Variants in TRAK1 observed in about 807,000 individuals in gnomAD.
TRAK1 encodes the protein trafficking kinesin protein 1.
In TRAK1, 33 loss-of-function variants were observed where a neutral mutation model predicts 92.1. That is an observed-to-expected ratio of 0.36 (90% confidence interval 0.27 to 0.48). TRAK1 has a LOEUF of 0.48. Ranked by LOEUF, TRAK1 falls within the 20% of genes least tolerant of loss-of-function variation. The pLI, the probability that TRAK1 is intolerant of heterozygous loss-of-function variation, is 0.99. For synonymous variants in TRAK1, 521 were observed against 517.3 expected (o/e 1.01, Z -0.10); for missense variants, 1,123 against 1,257.9 (o/e 0.89, Z 1.62).
At chr3:42,060,755 G>A (rs1703400531) in intron 1 of TRAK1, among the ~76,000 whole-genome samples, 1 of 151,424 alleles carries the variant, frequency 6.6e-6, no homozygotes, top group South Asian at 2.1e-4. Context: ...AGCCTCCTGA[G>A]TAACTGGGAT....
rs1315551432 is a variant in TRAK1 at position 42,184,667 on chromosome 3, C to T, written c.364-18C>T. 1.2e-6 allele frequency: 2 copies of T among 1,612,446 alleles called. No individual in the cohort carries two copies. Among genetic ancestry groups the T allele is most frequent in the Non-Finnish European group, 1.7e-6 (2 of 1,178,954 alleles). On this transcript the variant is annotated intron_variant, in intron 3 of 15. Transcript: ENST00000327628. ...CACAGGTCTTTTGAATCTCTGTTCT[C>T]CCTCTTTCCTTTTGTAGAAAGAGCG...
Position 42,223,381 on chromosome 3 carries a change from G to A in TRAK1, c.2506G>A (p.Val836Met), listed in dbSNP as rs369311365. 34 of 1,614,102 alleles carry A rather than the reference G, an allele frequency of 2.1e-5. No individual in the cohort carries two copies. Among genetic ancestry groups the A allele is most frequent in the African/African-American group, 1.7e-4 (13 of 74,956 alleles). The change falls in exon 16 of 16, where the codon GTG becomes ATG. Residue 836 changes from valine to methionine, a missense_variant. Val to Met is a conservative substitution (Grantham distance 21). This residue lies in a region of TRAK1 where 401 missense variants were observed against 438.9 expected (regional missense o/e 0.91). Coordinates refer to ENST00000327628, the MANE Select transcript of TRAK1 (RefSeq NM_001042646.3). This position sits in a 1 kb window ranked among gnomAD's most constrained non-coding sequence, Gnocchi z 6.1. Reference sequence around the variant, plus strand: ...CCGCAGCAGCGAGAGCCAGACCGACGTGTCCGTCTCCAACCTCAACCTCGT... The same window carrying A: ...CCGCAGCAGCGAGAGCCAGACCGACATGTCCGTCTCCAACCTCAACCTCGT... ...NVRSSESQTD[V>M]SVSNLNLVDK...
At chr3:42,163,595 CCTT>C (rs545046501) in intron 2 of TRAK1, among the ~76,000 whole-genome samples, 1 of 151,400 alleles carries the variant, frequency 6.6e-6, no homozygotes, top group African/African-American at 2.4e-5. Flanking sequence ...AAGGCATGGA[CCTT>C]CTTGGGTCCC....
intron 13 of TRAK1, among the ~76,000 whole-genome samples, chr3:42,209,282 G>C (rs140966997): frequency 6.6e-6 from 1 of 152,032 alleles, no homozygotes; most frequent in Admixed American, 6.5e-5. Flanking sequence ...GCTGTTGGTC[G>C]TGGGCTTGGT....
chr3:42,204,194 C>T (rs889600697), intron 13 of TRAK1: 2 of 985,652 alleles, frequency 2.0e-6, no homozygotes, highest in African/African-American at 3.5e-5. Context: ...ATTTTACTTT[C>T]TGCCTTACTT....
intron 4 of TRAK1, among the ~76,000 whole-genome samples, chr3:42,187,285 G>T (rs1559895636): frequency 6.6e-6 from 1 of 152,192 alleles, no homozygotes; most frequent in African/African-American, 2.4e-5. Flanking sequence ...TGAGCTGCCT[G>T]TATTGCCCGT....
intron 1 of TRAK1, among the ~76,000 whole-genome samples, chr3:42,034,021 C>T (rs1257876555): frequency 6.6e-6 from 1 of 152,224 alleles, no homozygotes; most frequent in Non-Finnish European, 1.5e-5. Context: ...GTGTCATCTC[C>T]TGGAGTTACC....
chr3:42,199,041 G>A lies in TRAK1; in HGVS notation c.1114-136G>A, dbSNP rs189123223. Reference sequence around the variant, plus strand: ...CTCTGACAACAGAGAGTGCTGTTAAGTTTGTGTTGTGGGAAGACCGTGAGC... The same window carrying A: ...CTCTGACAACAGAGAGTGCTGTTAAATTTGTGTTGTGGGAAGACCGTGAGC... On this transcript the variant is annotated intron_variant, in intron 10 of 15. Transcript: ENST00000327628. 633 of 828,890 alleles carry A rather than the reference G, an allele frequency of 7.6e-4. 1 individual carries two copies. The highest frequency in any genetic ancestry group is 4.0e-3 in the Middle Eastern group (11 of 2,774). The allele number at this position is 828,890 out of a possible 1,614,324, so 51.3% of individuals were successfully genotyped here.
intron 13 of TRAK1, among the ~76,000 whole-genome samples, chr3:42,209,529 A>AG (rs748159837): frequency 1.3e-5 from 2 of 152,014 alleles, no homozygotes; most frequent in East Asian, 3.9e-4. Flanking sequence ...TAAAAAAAAA[A>AG]TGGTTGATTT....
intron 2 of TRAK1, among the ~76,000 whole-genome samples, chr3:42,136,606 G>T (rs1265164461): frequency 6.6e-6 from 1 of 151,734 alleles, no homozygotes; most frequent in Non-Finnish European, 1.5e-5. Flanking sequence ...CTGGGCAATT[G>T]AGTGAGACAC....
At chr3:42,030,750 T>A (rs1702110602) in intron 1 of TRAK1, among the ~76,000 whole-genome samples, 1 of 135,002 alleles carries the variant, frequency 7.4e-6, no homozygotes, top group Non-Finnish European at 1.5e-5. Flanking sequence ...ATGTAACTTG[T>A]TGGTCAGGCA....
intron 2 of TRAK1, among the ~76,000 whole-genome samples, chr3:42,160,898 G>A (rs1294422837): frequency 6.6e-6 from 1 of 152,054 alleles, no homozygotes; most frequent in Non-Finnish European, 1.5e-5. Context: ...TGGCATTCCA[G>A]CATTCTGTTT....
At chr3:42,168,355 G>A (rs544584551) in intron 2 of TRAK1, among the ~76,000 whole-genome samples, 1 of 152,206 alleles carries the variant, frequency 6.6e-6, no homozygotes, top group Non-Finnish European at 1.5e-5. Context: ...CAGGGAAGTG[G>A]CTGGAATATG....
At chr3:42,192,670 CA>C (rs1706001026) in intron 7 of TRAK1, among the ~76,000 whole-genome samples, 1 of 152,146 alleles carries the variant, frequency 6.6e-6, no homozygotes, top group Non-Finnish European at 1.5e-5. Flanking sequence ...CTGGGTGCAG[CA>C]GGGGATTCCT....
intron 6 of TRAK1, among the ~76,000 whole-genome samples, chr3:42,189,759 G>A (rs1705414534): frequency 6.6e-6 from 1 of 152,150 alleles, no homozygotes; most frequent in Non-Finnish European, 1.5e-5. Context: ...TTGAACTCCT[G>A]ACCTCAGGTG....
chr3:42,200,432 C>T (rs1160075277), intron 11 of TRAK1, among the ~76,000 whole-genome samples: 1 of 152,172 alleles, frequency 6.6e-6, no homozygotes, highest in African/African-American at 2.4e-5. Flanking sequence ...CTGCGCTGAG[C>T]AGTAAACACT....
chr3:42,063,456 C>G (rs1460097756), intron 1 of TRAK1, among the ~76,000 whole-genome samples: 1 of 152,062 alleles, frequency 6.6e-6, no homozygotes, highest in Non-Finnish European at 1.5e-5. Flanking sequence ...GAGGCTGAGG[C>G]GGGCAAATCA....
At chr3:42,160,550 A>T in intron 2 of TRAK1, 22 of 1,415,386 alleles carry the variant, frequency 1.6e-5, no homozygotes, top group Non-Finnish European at 2.1e-5. Context: ...TGCTGATTTC[A>T]TAGCACTGTT....
intron 2 of TRAK1, among the ~76,000 whole-genome samples, chr3:42,159,090 A>G (rs1020767899): frequency 6.6e-6 from 1 of 152,066 alleles, no homozygotes; most frequent in African/African-American, 2.4e-5. Flanking sequence ...ATGATGTCAT[A>G]TTAGTCTTTA....
Sources: allele counts gnomAD v4.1 joint callset (sites outside exome capture counted in the v4.1 genomes callset), GRCh38; gene constraint gnomAD v4.1.1; regional missense constraint gnomAD v4.1.1; non-coding constraint Gnocchi (gnomAD v3.1); transcripts MANE v1.5; gene names NCBI Gene and HGNC (gene_info 2026-07-23, HGNC 2026-07-21).